Variants in BMAL2 observed in about 807,000 individuals in gnomAD.
BMAL2 encodes the protein basic helix-loop-helix ARNT-like protein 2.
At chr12:27,400,618 A>G in the BMAL2 span, 16 of 1,613,898 alleles carry the variant, frequency 9.9e-6, no homozygotes, top group African/African-American at 8.0e-5. Context: ...GAAGAAAGGA[A>G]CAGTAAGAAA....
the BMAL2 span, among the ~76,000 whole-genome samples, chr12:27,346,425 G>C: frequency 6.6e-6 from 1 of 152,112 alleles, no homozygotes; most frequent in African/African-American, 2.4e-5. Context: ...ACTGTGCCCG[G>C]CTAATTTTTG....
At chr12:27,380,476 G>A in the BMAL2 span, 7 of 1,532,386 alleles carry the variant, frequency 4.6e-6, no homozygotes, top group Non-Finnish European at 6.3e-6. Flanking sequence ...TGATTGGTTC[G>A]CTTTGCTGTC....
chr12:27,343,312 C>T, the BMAL2 span, among the ~76,000 whole-genome samples: 4 of 152,180 alleles, frequency 2.6e-5, no homozygotes, highest in African/African-American at 4.8e-5. Flanking sequence ...CTAGAATAAT[C>T]GCCATTCAGT....
At chr12:27,380,331 C>T in the BMAL2 span, 1 of 1,614,182 alleles carries the variant, frequency 6.2e-7, no homozygotes, top group Non-Finnish European at 8.5e-7. Context: ...TCCCTCAGTG[C>T]AACCCCATGG....
the BMAL2 span, among the ~76,000 whole-genome samples, chr12:27,339,050 C>T: frequency 6.6e-6 from 1 of 152,126 alleles, no homozygotes; most frequent in Non-Finnish European, 1.5e-5. Flanking sequence ...CAGGTTATTT[C>T]ATCATCCAAG....
the BMAL2 span, chr12:27,389,061 A>G: frequency 1.3e-6 from 1 of 767,534 alleles, no homozygotes; most frequent in African/African-American, 1.7e-5. Flanking sequence ...TGTCGTGGAC[A>G]TATCTTTGAG....
At chr12:27,349,378 T>A in the BMAL2 span, among the ~76,000 whole-genome samples, 1 of 152,242 alleles carries the variant, frequency 6.6e-6, no homozygotes, top group Non-Finnish European at 1.5e-5. Context: ...CATGTGCTTG[T>A]CTCATTATTG....
chr12:27,348,774 G>A, the BMAL2 span, among the ~76,000 whole-genome samples: 3 of 152,156 alleles, frequency 2.0e-5, no homozygotes, highest in Non-Finnish European at 2.9e-5. Context: ...TTGAGTGTGG[G>A]CAGTGTGTCT....
chr12:27,407,939 A>G, the BMAL2 span, among the ~76,000 whole-genome samples: 2 of 152,204 alleles, frequency 1.3e-5, no homozygotes, highest in Non-Finnish European at 2.9e-5. Flanking sequence ...AGAAATACAA[A>G]CTACCATCAG....
At chr12:27,350,765 C>T in the BMAL2 span, among the ~76,000 whole-genome samples, 1 of 151,572 alleles carries the variant, frequency 6.6e-6, no homozygotes, top group Non-Finnish European at 1.5e-5. Context: ...CTGCAACCTC[C>T]TCCTCCCAGG....
the BMAL2 span, among the ~76,000 whole-genome samples, chr12:27,408,787 G>A: frequency 6.6e-6 from 1 of 152,102 alleles, no homozygotes; most frequent in Non-Finnish European, 1.5e-5. Context: ...TCAATTAGGA[G>A]AAGAGGAAGT....
chr12:27,404,379 T>C, the BMAL2 span, among the ~76,000 whole-genome samples: 1 of 151,894 alleles, frequency 6.6e-6, no homozygotes, highest in East Asian at 1.9e-4. Flanking sequence ...AATAGATCAA[T>C]GTAAAAGATT....
the BMAL2 span, chr12:27,368,397 A>AT: frequency 6.2e-7 from 1 of 1,614,142 alleles, no homozygotes; most frequent in Non-Finnish European, 8.5e-7. Flanking sequence ...AAAGGAAGTG[A>AT]TTCAGACCCA....
chr12:27,391,943 G>C, the BMAL2 span, among the ~76,000 whole-genome samples: 3 of 152,284 alleles, frequency 2.0e-5, no homozygotes, highest in South Asian at 6.2e-4. Context: ...CGAAATAGAG[G>C]TGAAGAGGCT....
chr12:27,365,913 A>G, the BMAL2 span, among the ~76,000 whole-genome samples: 1 of 150,968 alleles, frequency 6.6e-6, no homozygotes, highest in African/African-American at 2.4e-5. Flanking sequence ...TCTTTTTCTG[A>G]TTTCTTAAAT....
the BMAL2 span, among the ~76,000 whole-genome samples, chr12:27,375,269 T>G: frequency 6.6e-6 from 1 of 152,206 alleles, no homozygotes; most frequent in African/African-American, 2.4e-5. Context: ...ACCACAATAT[T>G]ATTAGCCATA....
chr12:27,418,994 G>A, the BMAL2 span, among the ~76,000 whole-genome samples: 1 of 147,440 alleles, frequency 6.8e-6, no homozygotes, highest in African/African-American at 2.5e-5. Flanking sequence ...AAAAAAGGAT[G>A]TTACTTAATG....
the BMAL2 span, chr12:27,400,770 C>A: frequency 1.2e-6 from 2 of 1,600,334 alleles, no homozygotes; most frequent in South Asian, 1.1e-5. Flanking sequence ...CTATGTAGAT[C>A]AAAGGTAAAC....
At chr12:27,367,643 AG>A in the BMAL2 span, among the ~76,000 whole-genome samples, 1 of 152,110 alleles carries the variant, frequency 6.6e-6, no homozygotes, top group Non-Finnish European at 1.5e-5. Flanking sequence ...TTTACAATAT[AG>A]GGGGAAAGCC....
Sources: allele counts gnomAD v4.1 joint callset (sites outside exome capture counted in the v4.1 genomes callset), GRCh38; gene constraint gnomAD v4.1.1; transcripts MANE v1.5; gene names NCBI Gene and HGNC (gene_info 2026-07-23, HGNC 2026-07-21).